RSPH14: variants seen among roughly 807,000 people sequenced by gnomAD.
RSPH14 encodes the protein rhabdoid tumor deletion region gene 1.
Under a neutral mutation model 26.7 loss-of-function variants are expected in RSPH14, and 20 were observed. That is an observed-to-expected ratio of 0.75 (90% confidence interval 0.53 to 1.09). The LOEUF is 1.09. Among genes scored for constraint, RSPH14 ranks in the 50% least tolerant of loss-of-function variants. The pLI, the probability that RSPH14 is intolerant of heterozygous loss-of-function variation, is 0.00. For missense variants in RSPH14, 449 were observed against 457.2 expected, an observed-to-expected ratio of 0.98 and a Z score of 0.16; for synonymous variants, 177 against 189.3, an observed-to-expected ratio of 0.93 and a Z score of 0.53.
At chr22:23,170,569 T>TA in the RSPH14 span, among the ~76,000 whole-genome samples, 1 of 150,282 alleles carries the variant, frequency 6.7e-6, no homozygotes. Flanking sequence ...GGCAACATGG[T>TA]GAAAAAAAAA....
chr22:23,166,147 T>TAA, the RSPH14 span, among the ~76,000 whole-genome samples: 929 of 59,866 alleles, frequency 0.016, 24 homozygotes, highest in East Asian at 0.062. Flanking sequence ...CTCTGTCTTT[T>TAA]AAAAAAAAAA....
At chr22:23,076,569 G>A (rs1202324624) in intron 4 of RSPH14, among the ~76,000 whole-genome samples, 1 of 152,180 alleles carries the variant, frequency 6.6e-6, no homozygotes, top group Non-Finnish European at 1.5e-5. Flanking sequence ...GCTGGGCCCC[G>A]TCAGGCCCAA....
At chr22:23,149,690 A>G (rs764125089), upstream of RSPH14, among the ~76,000 whole-genome samples, 19 of 152,152 alleles carry the variant, frequency 1.2e-4, no homozygotes, top group Non-Finnish European at 2.1e-4. Context: ...GGCATGTACT[A>G]CTGCACCTGG....
chr22:23,130,530 AAG>A (rs72334275), intron 4 of RSPH14, among the ~76,000 whole-genome samples: 34 of 124,482 alleles, frequency 2.7e-4, no homozygotes, highest in Non-Finnish European at 4.1e-4. Context: ...GAAAGAAAGA[AAG>A]AGAAAGAAGG....
the RSPH14 span, among the ~76,000 whole-genome samples, chr22:23,167,392 A>G: frequency 1.3e-5 from 2 of 152,148 alleles, no homozygotes; most frequent in Admixed American, 1.3e-4. Context: ...GAGGCTCCAC[A>G]GGGACCGGAG....
chr22:23,062,265 A>G (rs1451217362), intron 5 of RSPH14, among the ~76,000 whole-genome samples: 1 of 152,232 alleles, frequency 6.6e-6, no homozygotes, highest in African/African-American at 2.4e-5. Flanking sequence ...TGTCAACCAC[A>G]GGGAGACCTG....
At chr22:23,082,362 C>T (rs984169413) in intron 4 of RSPH14, among the ~76,000 whole-genome samples, 53 of 149,302 alleles carry the variant, frequency 3.5e-4, no homozygotes, top group African/African-American at 1.3e-3. Context: ...CAGGCGCACA[C>T]CACCACACCT....
chr22:23,067,945 T>C (rs932032506), intron 4 of RSPH14, among the ~76,000 whole-genome samples: 1 of 152,232 alleles, frequency 6.6e-6, no homozygotes, highest in African/African-American at 2.4e-5. Flanking sequence ...TTATGTCCAG[T>C]AGGACAACTC....
chr22:23,127,990 G>C (rs770033313), intron 4 of RSPH14, among the ~76,000 whole-genome samples: 2 of 152,080 alleles, frequency 1.3e-5, no homozygotes, highest in African/African-American at 4.8e-5. Flanking sequence ...GGCTGCACAC[G>C]TGTGGAGTCA....
chr22:23,115,886 G>C (rs1480338254), intron 4 of RSPH14, among the ~76,000 whole-genome samples: 1 of 152,240 alleles, frequency 6.6e-6, no homozygotes, highest in African/African-American at 2.4e-5. Context: ...AGGGGAGGGT[G>C]GTGGTCATAA....
chr22:23,091,686 A>G (rs1308712852), intron 4 of RSPH14, among the ~76,000 whole-genome samples: 3 of 152,188 alleles, frequency 2.0e-5, no homozygotes, highest in Non-Finnish European at 2.9e-5. Context: ...GTGGACCTGC[A>G]TACACACACA....
chr22:23,122,546 C>T (rs886325667), intron 4 of RSPH14: 1 of 154,244 alleles, frequency 6.5e-6, no homozygotes, highest in African/African-American at 2.4e-5. Context: ...AGGCTGCTCC[C>T]TCACAGACTT....
chr22:23,075,658 C>T (rs1342183701), intron 4 of RSPH14, among the ~76,000 whole-genome samples: 8 of 152,216 alleles, frequency 5.3e-5, no homozygotes, highest in African/African-American at 1.9e-4. Flanking sequence ...CAGGGAGGGG[C>T]CTTACACATA....
upstream of RSPH14, chr22:23,145,102 A>G (rs1292193504): frequency 1.1e-5 from 6 of 541,738 alleles, no homozygotes; most frequent in South Asian, 7.5e-5. Flanking sequence ...CTTGACTCCA[A>G]TTAAACATCA....
chr22:23,139,433 C>T (rs1057387392), intron 2 of RSPH14, among the ~76,000 whole-genome samples: 2 of 152,178 alleles, frequency 1.3e-5, no homozygotes, highest in African/African-American at 4.8e-5. Flanking sequence ...CCAGCCTGGC[C>T]AACATGGTGA....
At chr22:23,093,158 G>A (rs1358475183) in intron 4 of RSPH14, among the ~76,000 whole-genome samples, 1 of 152,260 alleles carries the variant, frequency 6.6e-6, no homozygotes, top group African/African-American at 2.4e-5. Flanking sequence ...ACTGTGTGCT[G>A]GAGTGGGAGG....
At chr22:23,104,013 C>T (rs922841773) in intron 4 of RSPH14, among the ~76,000 whole-genome samples, 12 of 152,142 alleles carry the variant, frequency 7.9e-5, no homozygotes, top group Admixed American at 4.6e-4. Context: ...GCAGGAGAGA[C>T]GGGGGCCTAG....
At chr22:23,130,496 A>AAAGAAAGAAAGAAAGAAAGAAAGAAAG (rs2070332846) in intron 4 of RSPH14, among the ~76,000 whole-genome samples, 1 of 110,692 alleles carries the variant, frequency 9.0e-6, no homozygotes. Flanking sequence ...GAAGGAAAGA[A>AAAGAAAGAAAGAAAGAAAGAAAGAAAG]AAAGAAAGAA....
At chr22:23,105,897 G>A (rs1028768565) in intron 4 of RSPH14, among the ~76,000 whole-genome samples, 1 of 152,236 alleles carries the variant, frequency 6.6e-6, no homozygotes, top group Non-Finnish European at 1.5e-5. Context: ...CAGTTGGGCA[G>A]GAGAGCTTAT....
Sources: allele counts gnomAD v4.1 joint callset (sites outside exome capture counted in the v4.1 genomes callset), GRCh38; gene constraint gnomAD v4.1.1; transcripts MANE v1.5; gene names NCBI Gene and HGNC (gene_info 2026-07-23, HGNC 2026-07-21).